The following CYP19A1 variants were observed in gnomAD, a reference collection of about 807,000 sequenced individuals.
CYP19A1 encodes the protein aromatase.
Under a neutral mutation model 44.4 loss-of-function variants are expected in CYP19A1, and 32 were observed. The observed-to-expected ratio is 0.72, with a 90% CI of 0.54 to 0.97. CYP19A1 has a LOEUF of 0.97. Ranked by LOEUF, CYP19A1 falls within the 50% of genes least tolerant of loss-of-function variation. The pLI is 0.00. For missense variants in CYP19A1, 598 were observed against 637.8 expected, an observed-to-expected ratio of 0.94 and a Z score of 0.67; for synonymous variants, 212 against 215.6, an observed-to-expected ratio of 0.98 and a Z score of 0.14.
intron 5 of CYP19A1, among the ~76,000 whole-genome samples, chr15:51,219,033 G>C (rs535862226): frequency 1.6e-4 from 24 of 152,270 alleles, no homozygotes; most frequent in African/African-American, 5.5e-4. Flanking sequence ...CTGGTACCTG[G>C]GAGTGTAAAA....
Position 51,222,384 on chromosome 15 carries a change from G to A in CYP19A1, c.593C>T (p.Thr198Ile). The A allele has an allele frequency of 1.2e-6, 2 of 1,614,088 alleles. No individual in the cohort carries two copies. The highest frequency in any genetic ancestry group is 1.7e-6 in the Non-Finnish European group (2 of 1,180,008). The change falls in exon 5 of 10, where the codon ACC (threonine) becomes ATC (isoleucine). Residue 198 changes from threonine to isoleucine, a missense_variant. Thr to Ile is a moderately conservative substitution (Grantham distance 89, BLOSUM62 -1). Transcript: ENST00000396402. Reference sequence around the variant, plus strand: ...GATCCTCAAGAAGAGCGTGTTAGAGGTGTCCAGCATGACACGACGCAGAAG... The same window carrying A: ...GATCCTCAAGAAGAGCGTGTTAGAGATGTCCAGCATGACACGACGCAGAAG... The part of the protein sequence containing the change: ...LTLLRRVMLD[T>I]SNTLFLRIPL...
rs374852369 is a variant in CYP19A1 at position 51,241,439 on chromosome 15, G to A, written c.145+1329C>T. ...TGGCTCACTGGATGGGCAATGCTGC[G>A]TGGGCAATGCTGGACTCTCCTGGCC... On this transcript the variant is annotated intron_variant, in intron 2 of 9. Transcript: ENST00000396402. Among the ~76,000 whole-genome samples, 84 of 152,260 alleles carry A rather than the reference G, an allele frequency of 5.5e-4. 2 individuals are homozygous for A. Among genetic ancestry groups the A allele is most frequent in the African/African-American group, 1.6e-3 (66 of 41,544 alleles).
chr15:51,214,037 A>T (rs2031313849), intron 8 of CYP19A1, among the ~76,000 whole-genome samples: 1 of 152,190 alleles, frequency 6.6e-6, no homozygotes, highest in African/African-American at 2.4e-5. Context: ...TCCCATATTT[A>T]ACCCTTCGAT....
chr15:51,220,208 CT>C, intron 5 of CYP19A1, among the ~76,000 whole-genome samples: 1 of 152,334 alleles, frequency 6.6e-6, no homozygotes, highest in East Asian at 1.9e-4. Flanking sequence ...CAAATGTCTT[CT>C]CTGCAGAGGC....
intron 1 of CYP19A1, among the ~76,000 whole-genome samples, chr15:51,333,918 C>CT (rs952171050): frequency 1.6e-3 from 246 of 151,524 alleles, no homozygotes; most frequent in African/African-American, 5.7e-3. Context: ...CCCAAATTCA[C>CT]TTTTTTTTTA....
intron 1 of CYP19A1, among the ~76,000 whole-genome samples, chr15:51,253,099 C>A (rs1001574518): frequency 6.6e-6 from 1 of 152,172 alleles, no homozygotes; most frequent in Admixed American, 6.5e-5. Flanking sequence ...TCCAGGGGGA[C>A]CCTCTATCAC....
At chr15:51,235,023 G>A (rs2033297023) in intron 3 of CYP19A1, among the ~76,000 whole-genome samples, 1 of 152,130 alleles carries the variant, frequency 6.6e-6, no homozygotes. Context: ...CTGAAAGGCA[G>A]GTGGCTGTGC....
chr15:51,267,297 C>T (rs1449908769), intron 1 of CYP19A1, among the ~76,000 whole-genome samples: 1 of 152,134 alleles, frequency 6.6e-6, no homozygotes, highest in Admixed American at 6.5e-5. Flanking sequence ...TCGGTGCCGC[C>T]CGCAGAATCT....
intron 4 of CYP19A1, among the ~76,000 whole-genome samples, chr15:51,223,471 G>A (rs1172157461): frequency 6.6e-6 from 1 of 151,676 alleles, no homozygotes; most frequent in African/African-American, 2.4e-5. Context: ...TATTATTCAG[G>A]TTTGCTGTTA....
At chr15:51,239,671 A>G (rs2033627064) in intron 2 of CYP19A1, among the ~76,000 whole-genome samples, 2 of 152,060 alleles carry the variant, frequency 1.3e-5, no homozygotes, top group Non-Finnish European at 2.9e-5. Flanking sequence ...TCACAAAATC[A>G]AAGACAGTGT....
At chr15:51,243,950 G>A (rs184399407) in intron 1 of CYP19A1, among the ~76,000 whole-genome samples, 3 of 152,292 alleles carry the variant, frequency 2.0e-5, no homozygotes, top group African/African-American at 7.2e-5. Flanking sequence ...TGTATAGTGA[G>A]GAAAGAGTGA....
intron 1 of CYP19A1, among the ~76,000 whole-genome samples, chr15:51,248,635 C>T (rs1169733431): frequency 6.6e-6 from 1 of 152,136 alleles, no homozygotes; most frequent in East Asian, 1.9e-4. Flanking sequence ...AAGGTGAATT[C>T]CCAAAGGACA....
chr15:51,313,477 C>T (rs1199776958), intron 1 of CYP19A1, among the ~76,000 whole-genome samples: 5 of 152,136 alleles, frequency 3.3e-5, no homozygotes, highest in South Asian at 2.1e-4. Flanking sequence ...CCCTTGCTCA[C>T]GTTTGGACCT....
intron 5 of CYP19A1, chr15:51,221,477 C>T (rs1023520476): frequency 1.3e-5 from 2 of 152,146 alleles, no homozygotes; most frequent in Non-Finnish European, 2.9e-5. Context: ...CCATAGAAAA[C>T]AGTGTAAAAC....
At position 51,309,336 on chromosome 15, in the gene CYP19A1, T is replaced by G. The variant is rs886651978; in HGVS notation, c.-39+29159A>C. 3.9e-5 allele frequency among the ~76,000 whole-genome samples: 6 copies of G among 152,344 alleles called. No individual in the cohort carries two copies. In the South Asian group the frequency reaches 1.2e-3, roughly 32 times the overall value. On this transcript the variant is annotated intron_variant, in intron 1 of 9. Transcript: ENST00000396402. The stretch of plus-strand genomic sequence containing the variant: ...CAGAACAATGAGAAATAAATGTTTG[T>G]TGGTTAAGCTACCCGGTCTATGGTA...
intron 1 of CYP19A1, among the ~76,000 whole-genome samples, chr15:51,331,638 C>T (rs890756917): frequency 2.0e-5 from 3 of 152,152 alleles, no homozygotes; most frequent in African/African-American, 4.8e-5. Context: ...GGGGGCGCGA[C>T]TTCTTGCTCT....
rs1012615290 is a variant in CYP19A1, at chr15:51,215,934, T to C, written c.744-117A>G. The C allele has an allele frequency of 1.4e-5, 22 of 1,533,194 alleles. 1 individual carries two copies. Among genetic ancestry groups the C allele is most frequent in the Non-Finnish European group, 1.9e-5 (22 of 1,138,612 alleles). The allele number at this position is 1,533,194 out of a possible 1,614,324, so 95.0% of individuals were successfully genotyped here. ...TGCTTTAATTGAAAACATTGGTGCT[T>C]ATGAGTAAGTGAATTACTATTTTAT... On this transcript the variant is annotated intron_variant, in intron 6 of 9. Coordinates refer to ENST00000396402, the MANE Select transcript of CYP19A1 (RefSeq NM_000103.4).
intron 1 of CYP19A1, among the ~76,000 whole-genome samples, chr15:51,259,398 T>C (rs1708597043): frequency 6.6e-6 from 1 of 152,172 alleles, no homozygotes; most frequent in East Asian, 1.9e-4. Context: ...AACCAGATTG[T>C]TTTCAATTCT....
intron 1 of CYP19A1, among the ~76,000 whole-genome samples, chr15:51,286,114 C>T (rs2035690281): frequency 6.6e-6 from 1 of 152,174 alleles, no homozygotes; most frequent in South Asian, 2.1e-4. Flanking sequence ...GCCCTCTCAC[C>T]CGCAATGGGC....
Sources: allele counts gnomAD v4.1 joint callset (sites outside exome capture counted in the v4.1 genomes callset), GRCh38; gene constraint gnomAD v4.1.1; transcripts MANE v1.5; gene names NCBI Gene and HGNC (gene_info 2026-07-23, HGNC 2026-07-21).